The following LSAMP variants were observed in gnomAD, a reference collection of about 807,000 sequenced individuals.
The protein encoded by LSAMP is limbic system-associated membrane protein.
LSAMP carries 7 observed loss-of-function variants against 38.6 expected under a neutral mutation model. The observed-to-expected ratio is 0.18, with a 90% confidence interval of 0.10 to 0.34. The LOEUF is 0.34. Among genes scored for constraint, LSAMP ranks in the 10% least tolerant of loss-of-function variants. The pLI is 1.00. For missense variants in LSAMP, 313 were observed against 420.0 expected (o/e 0.75, Z 2.23); for synonymous variants, 154 against 166.8 (o/e 0.92, Z 0.59).
chr3:116,105,927 G>C (rs207463572), intron 1 of LSAMP, among the ~76,000 whole-genome samples: 1 of 152,080 alleles, frequency 6.6e-6, no homozygotes, highest in Non-Finnish European at 1.5e-5. Flanking sequence ...GATTAGGGGC[G>C]GCGTGGGAAC....
At chr3:115,818,916 T>C (rs1408296569) in intron 6 of LSAMP, among the ~76,000 whole-genome samples, 1 of 147,786 alleles carries the variant, frequency 6.8e-6, no homozygotes, top group East Asian at 2.1e-4. Context: ...TCCCAGCACT[T>C]TGGGAGGCTG....
At chr3:116,112,262 A>G (rs931398412) in intron 1 of LSAMP, among the ~76,000 whole-genome samples, 2 of 152,188 alleles carry the variant, frequency 1.3e-5, no homozygotes, top group Non-Finnish European at 2.9e-5. Flanking sequence ...ATCAAAACCA[A>G]TCATGTTTTT....
intron 1 of LSAMP, 120 bp from the exon 2 acceptor site, chr3:116,086,676 T>A: frequency 2.7e-6 from 2 of 744,124 alleles, no homozygotes; most frequent in Non-Finnish European, 4.5e-6. Flanking sequence ...AATGAATTAT[T>A]GCCATGCCAT....
At chr3:115,851,275 A>T (rs1245202949) in intron 4 of LSAMP, among the ~76,000 whole-genome samples, 5 of 152,164 alleles carry the variant, frequency 3.3e-5, no homozygotes, top group Non-Finnish European at 7.4e-5. Flanking sequence ...TACCTGGCCA[A>T]TATAAATCTC....
chr3:116,408,756 A>G (rs1000471852), intron 1 of LSAMP, among the ~76,000 whole-genome samples: 5 of 152,110 alleles, frequency 3.3e-5, no homozygotes, highest in Admixed American at 2.0e-4. Context: ...CACCAAGAGA[A>G]TAATAACTAC....
chr3:116,326,418 C>T (rs546112851), intron 1 of LSAMP, among the ~76,000 whole-genome samples: 3 of 152,280 alleles, frequency 2.0e-5, no homozygotes, highest in South Asian at 2.1e-4. Flanking sequence ...ACACAACCAT[C>T]CTCTAGCAGA....
intron 4 of LSAMP, among the ~76,000 whole-genome samples, chr3:115,846,236 T>G (rs2972483): frequency 0.12 from 18,731 of 152,176 alleles, 1,511 homozygotes; most frequent in Admixed American, 0.26. Context: ...ATTCTTTATG[T>G]GACTTTGGAA....
chr3:115,856,781 A>G (rs1935522017), intron 3 of LSAMP, among the ~76,000 whole-genome samples: 1 of 152,186 alleles, frequency 6.6e-6, no homozygotes, highest in Non-Finnish European at 1.5e-5. Context: ...CCAAGCTCCA[A>G]AACTGTAAGA....
At chr3:116,090,336 C>T (rs981748698) in intron 1 of LSAMP, among the ~76,000 whole-genome samples, 2 of 152,118 alleles carry the variant, frequency 1.3e-5, no homozygotes, top group African/African-American at 4.8e-5. Flanking sequence ...GACAGACCAC[C>T]TGGCTATCTG....
At chr3:116,078,263 G>C (rs1043868997) in intron 2 of LSAMP, among the ~76,000 whole-genome samples, 3 of 149,050 alleles carry the variant, frequency 2.0e-5, no homozygotes, top group Middle Eastern at 3.4e-3. Flanking sequence ...TAATACAAAA[G>C]GGCTTTATAT....
At chr3:116,021,900 G>C (rs1940649603) in intron 2 of LSAMP, among the ~76,000 whole-genome samples, 1 of 151,826 alleles carries the variant, frequency 6.6e-6, no homozygotes, top group African/African-American at 2.4e-5. Flanking sequence ...ATTTCACATA[G>C]ACAGGTACTG....
At chr3:115,840,103 A>G (rs1037167771) in intron 6 of LSAMP, among the ~76,000 whole-genome samples, 1 of 152,050 alleles carries the variant, frequency 6.6e-6, no homozygotes, top group Admixed American at 6.6e-5. Context: ...GCTATAGATG[A>G]TATTTTATTT....
In LSAMP at chr3:115,818,790, T is replaced by TTATATA. The variant is rs66654115; in HGVS notation, c.920-8382_920-8377dup. Among the ~76,000 whole-genome samples, 265 of 69,724 alleles carry TTATATA rather than the reference T, an allele frequency of 3.8e-3. 11 individuals are homozygous for TTATATA. The highest frequency in any genetic ancestry group is 7.3e-3 in the African/African-American group (167 of 22,872). The allele number at this position is 69,724 out of a possible 152,430, so 45.7% of individuals were successfully genotyped here. A position where few individuals can be genotyped will look rare whatever the true frequency, so the allele number is the denominator to read the frequency against. On this transcript the variant is annotated intron_variant, in intron 6 of 6. Transcript: ENST00000490035. ...ATAAGAAAGAAGGAAAGTTGTACTT[T>TTATATA]TATATATATATATATATATATATAT...
chr3:115,848,156 T>A (rs2107515764), intron 4 of LSAMP, among the ~76,000 whole-genome samples: 1 of 152,332 alleles, frequency 6.6e-6, no homozygotes, highest in South Asian at 2.1e-4. Flanking sequence ...AGCTGGCCAG[T>A]CTGGTTCCAT....
chr3:115,982,663 C>T (rs968007218), intron 3 of LSAMP, among the ~76,000 whole-genome samples: 2 of 151,938 alleles, frequency 1.3e-5, no homozygotes, highest in African/African-American at 4.8e-5. Flanking sequence ...CTTTTCTTTT[C>T]TTTCAGTCTC....
intron 1 of LSAMP, among the ~76,000 whole-genome samples, chr3:116,402,222 TATCTGAAGA>T (rs1553731823): frequency 6.6e-6 from 1 of 152,228 alleles, no homozygotes; most frequent in Non-Finnish European, 1.5e-5. Flanking sequence ...TAGGCTAATA[TATCTGAAGA>T]GTGAATAGAC....
At chr3:116,117,759 A>G (rs1342589618) in intron 1 of LSAMP, among the ~76,000 whole-genome samples, 1 of 152,048 alleles carries the variant, frequency 6.6e-6, no homozygotes, top group African/African-American at 2.4e-5. Flanking sequence ...TGTCTTTGGG[A>G]GGAAACCACA....
chr3:116,195,717 T>G (rs1403688689), intron 1 of LSAMP, among the ~76,000 whole-genome samples: 8 of 50,248 alleles, frequency 1.6e-4, no homozygotes, highest in Non-Finnish European at 2.8e-4. Context: ...GAAAAAAAAA[T>G]GAAAAAAAAA....
chr3:116,119,014 A>C (rs140040974), intron 1 of LSAMP, among the ~76,000 whole-genome samples: 1 of 152,304 alleles, frequency 6.6e-6, no homozygotes, highest in East Asian at 1.9e-4. Flanking sequence ...TTTGAGGACC[A>C]CAAATTTGTA....
Sources: allele counts gnomAD v4.1 joint callset (sites outside exome capture counted in the v4.1 genomes callset), GRCh38; gene constraint gnomAD v4.1.1; transcripts MANE v1.5; gene names NCBI Gene and HGNC (gene_info 2026-07-23, HGNC 2026-07-21).